Variants in CDH18 observed in about 807,000 individuals in gnomAD.
CDH18 encodes the protein cadherin-18.
A neutral mutation model predicts 67.9 loss-of-function variants in CDH18; 31 were observed. The ratio of observed to expected loss-of-function variants is 0.46; its 90% CI spans 0.34 to 0.62. The LOEUF is 0.62. Ranked by LOEUF, CDH18 falls within the 20% of genes least tolerant of loss-of-function variation. The pLI is 0.01. For missense variants in CDH18, 890 were observed against 975.5 expected (o/e 0.91, Z 1.17); for synonymous variants, 362 against 347.2 (o/e 1.04, Z -0.48).
intron 2 of CDH18, among the ~76,000 whole-genome samples, chr5:19,936,294 G>C (rs1794250520): frequency 1.3e-5 from 2 of 151,108 alleles, no homozygotes; most frequent in Admixed American, 6.6e-5. Flanking sequence ...GAAATGTTTT[G>C]AAAGTTAAAG....
intron 1 of CDH18, among the ~76,000 whole-genome samples, chr5:20,560,494 C>CACAG (rs1758145006): frequency 6.6e-6 from 1 of 151,264 alleles, no homozygotes; most frequent in Non-Finnish European, 1.5e-5. Flanking sequence ...CACACACACA[C>CACAG]ACACACACAC....
chr5:19,483,898 A>G (rs1354695516), intron 11 of CDH18, among the ~76,000 whole-genome samples: 1 of 152,222 alleles, frequency 6.6e-6, no homozygotes, highest in Non-Finnish European at 1.5e-5. Context: ...CTTTGAAGTG[A>G]GCCAATGAGA....
At chr5:20,072,855 T>C (rs558071744) in intron 2 of CDH18, among the ~76,000 whole-genome samples, 5 of 151,982 alleles carry the variant, frequency 3.3e-5, no homozygotes, top group South Asian at 2.1e-4. Flanking sequence ...CCATGAAAAA[T>C]TGGAGAAAGG....
At chr5:19,838,462 T>C (rs1561411339) in intron 3 of CDH18, among the ~76,000 whole-genome samples, 1 of 152,160 alleles carries the variant, frequency 6.6e-6, no homozygotes, top group South Asian at 2.1e-4. Flanking sequence ...AATTGTGTGT[T>C]CCATTAAGTG....
chr5:20,553,845 T>C (rs148544959), intron 1 of CDH18, among the ~76,000 whole-genome samples: 263 of 152,252 alleles, frequency 1.7e-3, no homozygotes, highest in African/African-American at 6.0e-3. Context: ...TATCTTTCTC[T>C]AGACCACAAA....
intron 2 of CDH18, among the ~76,000 whole-genome samples, chr5:20,056,473 C>CTT (rs1561754004): frequency 1.1e-3 from 15 of 13,534 alleles, no homozygotes; most frequent in African/African-American, 2.5e-3. Flanking sequence ...TATTTTCTTT[C>CTT]TTTTGTTTTT....
chr5:20,060,858 A>T (rs1185926372), intron 2 of CDH18, among the ~76,000 whole-genome samples: 4 of 152,070 alleles, frequency 2.6e-5, no homozygotes. Flanking sequence ...TCTGAAAGAA[A>T]ACAACAATTT....
intron 1 of CDH18, among the ~76,000 whole-genome samples, chr5:20,512,138 G>C (rs1250044834): frequency 6.6e-6 from 1 of 151,798 alleles, no homozygotes; most frequent in Admixed American, 6.6e-5. Context: ...CAGGAGAATC[G>C]CTTGAATATG....
chr5:19,476,546 C>G (rs1285032902), intron 12 of CDH18, among the ~76,000 whole-genome samples: 1 of 152,036 alleles, frequency 6.6e-6, no homozygotes, highest in Non-Finnish European at 1.5e-5. Context: ...AAGCTCCAAA[C>G]AACATCCTCA....
chr5:19,530,947 T>A (rs1339860688), intron 9 of CDH18, among the ~76,000 whole-genome samples: 2 of 152,204 alleles, frequency 1.3e-5, no homozygotes, highest in Non-Finnish European at 2.9e-5. Context: ...GCGCATGGTG[T>A]GCTGCACCCA....
chr5:19,791,672 G>A (rs750393840), intron 3 of CDH18, among the ~76,000 whole-genome samples: 30 of 152,056 alleles, frequency 2.0e-4, no homozygotes, highest in Non-Finnish European at 3.2e-4. Flanking sequence ...CAAAAACACA[G>A]TTCCAGTCCC....
chr5:19,519,771 T>A (rs977419601), intron 10 of CDH18, among the ~76,000 whole-genome samples: 1 of 152,092 alleles, frequency 6.6e-6, no homozygotes, highest in Admixed American at 6.6e-5. Flanking sequence ...ATCTCAGAGA[T>A]ATGGGCAGCC....
At chr5:20,185,994 A>G (rs1455153725) in intron 2 of CDH18, among the ~76,000 whole-genome samples, 1 of 152,060 alleles carries the variant, frequency 6.6e-6, no homozygotes, top group Non-Finnish European at 1.5e-5. Flanking sequence ...GGAAAATGGT[A>G]GAGGCAATAA....
intron 1 of CDH18, among the ~76,000 whole-genome samples, chr5:20,520,085 C>T (rs1413409024): frequency 6.7e-6 from 1 of 150,212 alleles, no homozygotes; most frequent in African/African-American, 2.5e-5. Context: ...CAGGTGTGAG[C>T]CACCACGCCC....
chr5:20,491,367 A>C (rs1041627319), intron 1 of CDH18, among the ~76,000 whole-genome samples: 2 of 152,168 alleles, frequency 1.3e-5, no homozygotes, highest in Admixed American at 1.3e-4. Context: ...TAAAACAGGA[A>C]ATTTTTAAAG....
chr5:19,549,486 A>C (rs187621487), intron 8 of CDH18, among the ~76,000 whole-genome samples: 383 of 152,258 alleles, frequency 2.5e-3, no homozygotes, highest in Non-Finnish European at 3.3e-3. Flanking sequence ...ACAAGCACAA[A>C]CTAATACAAT....
intron 2 of CDH18, among the ~76,000 whole-genome samples, chr5:20,122,643 A>C (rs1007985667): frequency 6.6e-6 from 1 of 151,842 alleles, no homozygotes; most frequent in Middle Eastern, 3.8e-3. Context: ...TATTCCCATT[A>C]AAGATTTGTC....
At chr5:19,812,614 A>G (rs1295879146) in intron 3 of CDH18, among the ~76,000 whole-genome samples, 1 of 152,122 alleles carries the variant, frequency 6.6e-6, no homozygotes, top group African/African-American at 2.4e-5. Flanking sequence ...ACAAAACAAG[A>G]AACAACCTAA....
intron 3 of CDH18, among the ~76,000 whole-genome samples, chr5:19,821,780 C>T (rs911605647): frequency 6.6e-6 from 1 of 152,126 alleles, no homozygotes; most frequent in Non-Finnish European, 1.5e-5. Flanking sequence ...AGAAACCTTA[C>T]AAGCCTGAAG....
Sources: gnomAD v4.1 joint callset for allele counts (sites outside exome capture counted in the v4.1 genomes callset) on GRCh38, gnomAD v4.1.1 for gene constraint, MANE v1.5 for transcripts, NCBI Gene and HGNC (gene_info 2026-07-23, HGNC 2026-07-21) for gene names.